NUDT3: variants seen among roughly 807,000 people sequenced by gnomAD.
The protein encoded by NUDT3 is diphosphoinositol polyphosphate phosphohydrolase 1.
A neutral mutation model predicts 23.6 loss-of-function variants in NUDT3; 9 were observed. The ratio of observed to expected loss-of-function variants is 0.38; its 90% CI spans 0.23 to 0.66. NUDT3 has a LOEUF of 0.66. Ranked by LOEUF, NUDT3 falls within the 30% of genes least tolerant of loss-of-function variation. The pLI, the probability that NUDT3 is intolerant of heterozygous loss-of-function variation, is 0.52. For missense variants in NUDT3, 172 were observed against 218.5 expected (o/e 0.79, Z 1.34); for synonymous variants, 86 against 82.6 (o/e 1.04, Z -0.22).
chr6:34,385,794 G>A (rs1765095787), intron 1 of NUDT3, among the ~76,000 whole-genome samples: 1 of 150,222 alleles, frequency 6.7e-6, no homozygotes, highest in African/African-American at 2.5e-5. Context: ...AGCAATTCTT[G>A]TGCCTCAGCC....
In NUDT3 at chr6:34,326,724, C is replaced by T. The variant is rs948448535; in HGVS notation, c.210+15138G>A. 3.3e-5 allele frequency among the ~76,000 whole-genome samples: 5 copies of T among 152,012 alleles called. No individual in the cohort carries two copies. The South Asian group carries it at 1.0e-3, about 32-fold the overall frequency. On this transcript the variant is annotated intron_variant, in intron 2 of 4. Transcript: ENST00000607016. The stretch of plus-strand genomic sequence containing the variant: ...CAAGCAATTCTCCTGCCTCAGCCTC[C>T]CGACTAACTGGGATTATAGGCACCC...
At chr6:34,352,770 T>C (rs1005060441) in intron 1 of NUDT3, among the ~76,000 whole-genome samples, 5 of 152,208 alleles carry the variant, frequency 3.3e-5, no homozygotes, top group African/African-American at 7.2e-5. Flanking sequence ...GTCATCTTTA[T>C]AGAGGAGGAC....
At chr6:34,346,023 C>T (rs1167733942) in intron 1 of NUDT3, among the ~76,000 whole-genome samples, 1 of 152,156 alleles carries the variant, frequency 6.6e-6, no homozygotes, top group African/African-American at 2.4e-5. Context: ...CCCGCCTTGG[C>T]CTCCCAAAGT....
chr6:34,389,400 CTG>C (rs1002935642), intron 1 of NUDT3, among the ~76,000 whole-genome samples: 29 of 152,324 alleles, frequency 1.9e-4, no homozygotes, highest in African/African-American at 6.0e-4. Context: ...CCATGTATAA[CTG>C]TGAGTCAATT....
chr6:34,367,220 G>A (rs1764749452), intron 1 of NUDT3, among the ~76,000 whole-genome samples: 1 of 151,980 alleles, frequency 6.6e-6, no homozygotes, highest in South Asian at 2.1e-4. Flanking sequence ...AGTGGCTCAC[G>A]CCTGTAATAC....
intron 1 of NUDT3, among the ~76,000 whole-genome samples, chr6:34,358,291 ACC>A (rs71000053): frequency 7.3e-5 from 11 of 149,964 alleles, no homozygotes; most frequent in Admixed American, 2.0e-4. Flanking sequence ...ACACACACAC[ACC>A]CCTTATAATT....
intron 1 of NUDT3, among the ~76,000 whole-genome samples, chr6:34,345,286 G>A (rs1314386543): frequency 1.3e-5 from 2 of 151,892 alleles, no homozygotes; most frequent in Non-Finnish European, 2.9e-5. Flanking sequence ...CTGACCTCAG[G>A]TGATCCACCT....
chr6:34,391,712 G>T (rs530855566), intron 1 of NUDT3, among the ~76,000 whole-genome samples: 57 of 152,212 alleles, frequency 3.7e-4, no homozygotes, highest in African/African-American at 1.1e-3. Flanking sequence ...GCTGGCTATG[G>T]CTTATGCACA....
At chr6:34,363,336 T>C (rs762318674) in intron 1 of NUDT3, among the ~76,000 whole-genome samples, 1 of 152,196 alleles carries the variant, frequency 6.6e-6, no homozygotes, top group Non-Finnish European at 1.5e-5. Flanking sequence ...TACTGGCATT[T>C]AGTCACTTTC....
At chr6:34,291,781 G>A (rs1394318497) in intron 4 of NUDT3, among the ~76,000 whole-genome samples, 2 of 152,188 alleles carry the variant, frequency 1.3e-5, no homozygotes, top group Non-Finnish European at 2.9e-5. Flanking sequence ...GGGATTACAG[G>A]CGTGAGCCAC....
chr6:34,350,965 T>TA (rs1764457469), intron 1 of NUDT3, among the ~76,000 whole-genome samples: 1 of 150,100 alleles, frequency 6.7e-6, no homozygotes. Flanking sequence ...TACAAACTAT[T>TA]ACACAGATAT....
intron 2 of NUDT3, among the ~76,000 whole-genome samples, chr6:34,331,373 T>C (rs1375195423): frequency 6.6e-6 from 1 of 152,118 alleles, no homozygotes; most frequent in Admixed American, 6.6e-5. Context: ...CTTTCTTTAA[T>C]GAAGGTTAAT....
intron 4 of NUDT3, 104 bp from the exon 5 acceptor site, chr6:34,289,035 C>CT (rs878923476): frequency 1.5e-6 from 2 of 1,349,204 alleles, no homozygotes; most frequent in South Asian, 1.6e-5. Context: ...TTTCTTAACA[C>CT]TTTTTTTCCT....
chr6:34,312,620 T>C (rs898803840), intron 2 of NUDT3, among the ~76,000 whole-genome samples: 4 of 152,196 alleles, frequency 2.6e-5, no homozygotes, highest in Non-Finnish European at 1.5e-5. Context: ...CTTATGTCCA[T>C]GCAAAAACTT....
At chr6:34,310,793 A>G (rs760958140) in intron 2 of NUDT3, among the ~76,000 whole-genome samples, 38 of 152,308 alleles carry the variant, frequency 2.5e-4, no homozygotes, top group Middle Eastern at 6.8e-3. Context: ...ATGTGTAAAA[A>G]TAATTACACC....
In NUDT3 at chr6:34,286,574, T is replaced by C. The variant is rs1035247210; in HGVS notation, c.*2179A>G. The C allele has an allele frequency of 8.5e-5, 13 of 152,206 alleles. No individual in the cohort carries two copies. Among genetic ancestry groups the C allele is most frequent in the African/African-American group, 3.1e-4 (13 of 41,518 alleles). 9.4% of individuals were successfully genotyped at this position (152,206 alleles called of 1,614,324 possible). A position where few individuals can be genotyped will look rare whatever the true frequency, so the allele number is the denominator to read the frequency against. On this transcript the variant is annotated 3_prime_UTR_variant, in exon 5 of 5. Coordinates refer to ENST00000607016, the MANE Select transcript of NUDT3 (RefSeq NM_006703.4). ...CTCTAGGTCAGGAAAAGAAACAGTG[T>C]GTTCGTTTTTAAGAAGGATGTGTGA...
At chr6:34,354,445 G>A (rs924399514) in intron 1 of NUDT3, among the ~76,000 whole-genome samples, 32 of 133,458 alleles carry the variant, frequency 2.4e-4, no homozygotes, top group African/African-American at 5.7e-4. Flanking sequence ...ACTCTTGGCC[G>A]GGCACAGTGG....
intron 1 of NUDT3, among the ~76,000 whole-genome samples, chr6:34,369,533 G>A (rs1218097369): frequency 6.6e-6 from 1 of 152,142 alleles, no homozygotes; most frequent in Non-Finnish European, 1.5e-5. Context: ...AAGGAGAGGG[G>A]TCTTGTAAAC....
At chr6:34,370,719 A>G (rs559180418) in intron 1 of NUDT3, among the ~76,000 whole-genome samples, 6 of 152,222 alleles carry the variant, frequency 3.9e-5, no homozygotes, top group Non-Finnish European at 8.8e-5. Flanking sequence ...GAATTCTCAC[A>G]TATTTTCTTT....
Sources: allele counts gnomAD v4.1 joint callset (sites outside exome capture counted in the v4.1 genomes callset), GRCh38; gene constraint gnomAD v4.1.1; transcripts MANE v1.5; gene names NCBI Gene and HGNC (gene_info 2026-07-23, HGNC 2026-07-21).